COL24A1: variants seen among roughly 807,000 people sequenced by gnomAD.
The protein encoded by COL24A1 is collagen type XXIV alpha 1 chain, also known as collagen alpha-1(XXIV) chain.
A neutral mutation model predicts 253.9 loss-of-function variants in COL24A1; 224 were observed. The ratio of observed to expected loss-of-function variants is 0.88; its 90% CI spans 0.79 to 0.99. The LOEUF is 0.99. Ranked by LOEUF, COL24A1 falls within the 50% of genes least tolerant of loss-of-function variation. The pLI is 0.00. For missense variants in COL24A1, 2,131 were observed against 2,068.5 expected (o/e 1.03, Z -0.59); for synonymous variants, 685 against 673.7 (o/e 1.02, Z -0.26).
chr1:85,877,474 T>C (rs1488555710), intron 32 of COL24A1, among the ~76,000 whole-genome samples: 1 of 152,092 alleles, frequency 6.6e-6, no homozygotes, highest in Non-Finnish European at 1.5e-5. Context: ...GCGATTCTCC[T>C]CCCTCTGCCT....
chr1:85,770,386 T>G (rs760533549), intron 53 of COL24A1, among the ~76,000 whole-genome samples: 1 of 152,120 alleles, frequency 6.6e-6, no homozygotes, highest in Non-Finnish European at 1.5e-5. Flanking sequence ...TTAAGTTTAT[T>G]CTCATGGGCC....
intron 2 of COL24A1, among the ~76,000 whole-genome samples, chr1:86,129,529 A>G (rs1326922803): frequency 1.3e-5 from 2 of 151,630 alleles, no homozygotes; most frequent in Non-Finnish European, 3.0e-5. Flanking sequence ...CTTGATAATG[A>G]AGGCATTTAA....
chr1:85,756,640 T>C (rs763902293), intron 55 of COL24A1, among the ~76,000 whole-genome samples: 3 of 152,178 alleles, frequency 2.0e-5, no homozygotes, highest in Non-Finnish European at 4.4e-5. Context: ...GTGGCAGCTA[T>C]GGAAAACAGT....
chr1:85,960,294 C>A (rs1227130420), intron 24 of COL24A1, among the ~76,000 whole-genome samples: 1 of 152,038 alleles, frequency 6.6e-6, no homozygotes, highest in Admixed American at 6.6e-5. Context: ...AATTCACTTT[C>A]CTGGTGTTAA....
intron 7 of COL24A1, among the ~76,000 whole-genome samples, chr1:86,069,606 C>G (rs549823682): frequency 1.3e-5 from 2 of 151,996 alleles, no homozygotes; most frequent in African/African-American, 4.8e-5. Flanking sequence ...CCAGTGGTGA[C>G]GGCCACAGGG....
rs984530175 is a variant in COL24A1, at chr1:85,919,139, C to G, written c.2563-7706G>C. Among the ~76,000 whole-genome samples the G allele has an allele frequency of 2.0e-5, 3 of 152,224 alleles. No individual in the cohort carries two copies. In the East Asian group the frequency reaches 5.8e-4, roughly 29 times the overall value. ...AGCCTGAGTCTCCGAATGCAGATAACATGTAACAGAGTCACAGCCAACCCA... is the reference window on the plus strand; with the variant it reads ...AGCCTGAGTCTCCGAATGCAGATAAGATGTAACAGAGTCACAGCCAACCCA... On this transcript the variant is annotated intron_variant, in intron 24 of 59. Coordinates refer to ENST00000370571, the MANE Select transcript of COL24A1 (RefSeq NM_152890.7).
intron 53 of COL24A1, among the ~76,000 whole-genome samples, chr1:85,771,160 T>G (rs1189766361): frequency 6.6e-6 from 1 of 152,160 alleles, no homozygotes; most frequent in East Asian, 1.9e-4. Flanking sequence ...CGTGCAGGTT[T>G]GTTGCATAGG....
At chr1:86,013,660 A>G (rs1485171253) in intron 19 of COL24A1, among the ~76,000 whole-genome samples, 1 of 151,966 alleles carries the variant, frequency 6.6e-6, no homozygotes, top group Non-Finnish European at 1.5e-5. Flanking sequence ...ACATGGCAAA[A>G]CCCCGTCTCT....
chr1:86,149,089 T>G (rs1652360182), intron 1 of COL24A1, among the ~76,000 whole-genome samples: 1 of 152,194 alleles, frequency 6.6e-6, no homozygotes, highest in East Asian at 1.9e-4. Context: ...GAGACAGAGT[T>G]TCACCATGTT....
intron 21 of COL24A1, 108 bp from the exon 22 acceptor site, chr1:85,970,379 G>T: frequency 1.9e-6 from 2 of 1,068,912 alleles, no homozygotes; most frequent in Non-Finnish European, 2.7e-6. Flanking sequence ...ATTCTGAGAT[G>T]TGATGAAAAT....
At chr1:86,119,665 A>T (rs1037814994) in intron 3 of COL24A1, among the ~76,000 whole-genome samples, 71 of 152,178 alleles carry the variant, frequency 4.7e-4, no homozygotes, top group Admixed American at 4.6e-3. Flanking sequence ...AGCAATCTAA[A>T]TTTGACTCTG....
At chr1:86,149,598 T>C (rs34455690) in intron 1 of COL24A1, among the ~76,000 whole-genome samples, 5 of 152,316 alleles carry the variant, frequency 3.3e-5, no homozygotes, top group Non-Finnish European at 5.9e-5. Context: ...CTCAGATGCA[T>C]AGAAACAACC....
intron 41 of COL24A1, 100 bp downstream of exon 41, chr1:85,841,968 C>A: frequency 1.0e-6 from 1 of 971,638 alleles, no homozygotes; most frequent in South Asian, 1.7e-5. Flanking sequence ...TTTAAAAGTG[C>A]TTCTTTTATT....
intron 24 of COL24A1, among the ~76,000 whole-genome samples, chr1:85,919,457 T>C (rs1377146217): frequency 5.9e-5 from 9 of 152,296 alleles, no homozygotes; most frequent in Admixed American, 5.9e-4. Flanking sequence ...GGCAGGAGGA[T>C]TGCTTGAAGC....
intron 43 of COL24A1, among the ~76,000 whole-genome samples, chr1:85,830,743 C>T (rs58880785): frequency 0.01 from 1,543 of 152,274 alleles, 28 homozygotes; most frequent in African/African-American, 0.035. Context: ...TGACCCCTTG[C>T]GCTTGCCGAG....
At chr1:85,734,636 C>G in intron 59 of COL24A1, 113 bp downstream of exon 59, 1 of 896,618 alleles carries the variant, frequency 1.1e-6, no homozygotes, top group South Asian at 1.6e-5. Context: ...AACTTACTAC[C>G]CTTCTGTATC....
intron 47 of COL24A1, among the ~76,000 whole-genome samples, chr1:85,813,096 C>A (rs1348329460): frequency 6.6e-6 from 1 of 151,506 alleles, no homozygotes; most frequent in Non-Finnish European, 1.5e-5. Context: ...GCTGATATAC[C>A]TATAGCAATA....
At chr1:85,908,410 T>C (rs1685047611) in intron 27 of COL24A1, among the ~76,000 whole-genome samples, 188 bp downstream of exon 27, 1 of 151,766 alleles carries the variant, frequency 6.6e-6, no homozygotes, top group African/African-American at 2.4e-5. Flanking sequence ...GTATACCAAG[T>C]AGAGGTGAGG....
rs750292615 is a variant in COL24A1 at position 86,031,920 on chromosome 1, T to A, written c.2007A>T (p.Gly669=). Residue 669 remains glycine, a splice_region_variant and synonymous_variant, in exon 14 of 60, where the codon GGA becomes GGT. Transcript: ENST00000370571. ...RGPAGLDGSP[G]LVGGTGPPGF... ...CCGGAGGACCAGTGCCACCTACAAG[T>A]CCCTATTGTAAAAGAAATTTGCAAT... 1.9e-6 allele frequency: 3 copies of A among 1,608,222 alleles called. No homozygotes were observed. The South Asian group carries it at 3.3e-5, about 18-fold the overall frequency.
Sources: allele counts gnomAD v4.1 joint callset (sites outside exome capture counted in the v4.1 genomes callset), GRCh38; gene constraint gnomAD v4.1.1; transcripts MANE v1.5; gene names NCBI Gene and HGNC (gene_info 2026-07-23, HGNC 2026-07-21).